The following GLB1L2 variants were observed in gnomAD, a reference collection of about 807,000 sequenced individuals.
GLB1L2 encodes galactosidase beta 1 like 2.
In GLB1L2, 68 loss-of-function variants were observed where a neutral mutation model predicts 84.1. That is an observed-to-expected ratio of 0.81 (90% confidence interval 0.67 to 0.99). The LOEUF (loss-of-function observed/expected upper bound fraction) is 0.99, where lower values mean the gene tolerates loss of function less well. GLB1L2 is among the 50% of genes least tolerant of loss of function. GLB1L2 has a pLI of 0.00. For missense variants in GLB1L2, 762 were observed against 805.6 expected (o/e 0.95, Z 0.66); for synonymous variants, 290 against 318.0 (o/e 0.91, Z 0.94).
rs575259410 is a variant in GLB1L2, at chr11:134,339,300, C to T, written c.87-3454C>T. On this transcript the variant is annotated intron_variant, in intron 1 of 18. Transcript: ENST00000535456. The surrounding 1 kb of genome is among the most constrained non-coding windows in gnomAD (Gnocchi z 5.7). ...CTCAGGAAATTATGGGGTTATTCTC[C>T]GTCTTATGATTATTAGTATTAATGA... is the stretch of plus-strand genomic sequence containing the variant. Among the ~76,000 whole-genome samples, 3 of 152,038 alleles carry T rather than the reference C, an allele frequency of 2.0e-5. No homozygotes were observed. The highest frequency in any genetic ancestry group is 2.1e-4 in the South Asian group (1 of 4,808).
rs1351867271 is a variant in GLB1L2 at position 134,332,163 on chromosome 11, G to A, written c.86+16G>A. ...TGCTCCGCAGGTGAGAGAGAGCTTCGCGCAGCACCTGCCGGACCCCACATT... is the reference window on the plus strand; with the variant it reads ...TGCTCCGCAGGTGAGAGAGAGCTTCACGCAGCACCTGCCGGACCCCACATT... On this transcript the variant is annotated intron_variant, in intron 1 of 18. Transcript: ENST00000535456. 3 of 1,513,906 alleles carry A rather than the reference G, an allele frequency of 2.0e-6. No homozygotes were observed. The highest frequency in any genetic ancestry group is 2.7e-6 in the Non-Finnish European group (3 of 1,120,722). 93.8% of individuals were successfully genotyped at this position (1,513,906 alleles called of 1,614,324 possible).
rs748899807 is a variant in GLB1L2, at chr11:134,344,342, G to A, written c.285-45G>A. The A allele has an allele frequency of 4.4e-6, 7 of 1,607,146 alleles. No homozygotes were observed. In the African/African-American group the frequency reaches 9.4e-5, roughly 21 times the overall value. On this transcript the variant is annotated intron_variant, in intron 2 of 18. Coordinates refer to ENST00000535456, the MANE Select transcript of GLB1L2 (RefSeq NM_001370461.1). ...AGAAGGTAATGTGAGAGGTGAAATG[G>A]AATGAATGACATGCTCTAGCCTATA...
intron 6 of GLB1L2, 27 bp downstream of exon 6, chr11:134,356,420 TA>T: frequency 6.5e-7 from 1 of 1,528,422 alleles, no homozygotes; most frequent in Non-Finnish European, 9.1e-7. Flanking sequence ...TGCGTTTCTT[TA>T]GATTCCTTCC....
At chr11:134,368,857 C>T (rs909136531) in intron 10 of GLB1L2, 76 bp downstream of exon 10, 4 of 1,513,864 alleles carry the variant, frequency 2.6e-6, no homozygotes, top group Middle Eastern at 1.7e-4. Flanking sequence ...GAGAGGCCCT[C>T]AGGGTCAACT....
In GLB1L2 at chr11:134,342,977, A is replaced by ACAG; in HGVS notation, c.284+26_284+27insCAG. On this transcript the variant is annotated intron_variant, in intron 2 of 18. Transcript: ENST00000535456. ...GTAGGTGCTGCCCCTGTCCCCCCGG[A>ACAG]GCCTGGTTCCTAAGCAGGGCGCCTG... The ACAG allele has an allele frequency of 2.5e-6, 4 of 1,586,946 alleles. No homozygotes were observed. The South Asian group carries it at 4.5e-5, about 18-fold the overall frequency.
chr11:134,360,983 C>G (rs1437255776), intron 7 of GLB1L2: 2 of 152,260 alleles, frequency 1.3e-5, no homozygotes, highest in East Asian at 3.9e-4. Flanking sequence ...GAAACCCTGT[C>G]TCTACTGAAA....
chr11:134,342,194 C>T (rs1234685199), intron 1 of GLB1L2, among the ~76,000 whole-genome samples: 2 of 151,990 alleles, frequency 1.3e-5, no homozygotes, highest in African/African-American at 4.8e-5. Context: ...GAGCCTTCGA[C>T]GGCCTTCCCG....
At chr11:134,356,018 T>C (rs1242723092) in intron 5 of GLB1L2, 3 of 572,878 alleles carry the variant, frequency 5.2e-6, no homozygotes, top group South Asian at 1.5e-5. Flanking sequence ...CCATTTTGCA[T>C]ATGACTTTTT....
chr11:134,340,696 A>G (rs908002946), intron 1 of GLB1L2, among the ~76,000 whole-genome samples: 5 of 152,240 alleles, frequency 3.3e-5, no homozygotes, highest in Non-Finnish European at 7.3e-5. Context: ...GGCAGATCGC[A>G]CATATTTTCA....
rs2136249967 is a variant in GLB1L2 at position 134,332,015 on chromosome 11, T to G, written c.-47T>G. On this transcript the variant is annotated 5_prime_UTR_variant, in exon 1 of 19. Coordinates refer to ENST00000535456, the MANE Select transcript of GLB1L2 (RefSeq NM_001370461.1). ...GGCGAGGCTCCCGCGCGCGGCTGAG[T>G]GCGGACTGGAGTGGGAACCCGGGTC... The G allele has an allele frequency of 7.3e-7, 1 of 1,369,230 alleles. No individual in the cohort carries two copies. Among genetic ancestry groups the G allele is most frequent in the Non-Finnish European group, 1.0e-6 (1 of 1,000,218 alleles). 84.8% of individuals were successfully genotyped at this position (1,369,230 alleles called of 1,614,324 possible).
At chr11:134,348,439 G>A (rs747911031) in intron 5 of GLB1L2, among the ~76,000 whole-genome samples, 24 of 152,206 alleles carry the variant, frequency 1.6e-4, no homozygotes, top group Non-Finnish European at 3.1e-4. Flanking sequence ...TGTAGGAGTC[G>A]GGTGGGCAGC....
intron 7 of GLB1L2, among the ~76,000 whole-genome samples, chr11:134,362,398 G>A (rs904915074): frequency 6.6e-6 from 1 of 152,158 alleles, no homozygotes; most frequent in Admixed American, 6.5e-5. Context: ...TCTCCTGCGC[G>A]AGGGGATGCT....
intron 5 of GLB1L2, among the ~76,000 whole-genome samples, chr11:134,355,798 G>A (rs7940114): frequency 0.38 from 57,340 of 152,132 alleles, 12,812 homozygotes; most frequent in Admixed American, 0.5. Flanking sequence ...TGAGCTCCAT[G>A]TCAGACAAGA....
chr11:134,341,779 C>T (rs1044014888), intron 1 of GLB1L2, among the ~76,000 whole-genome samples: 2 of 152,204 alleles, frequency 1.3e-5, no homozygotes, highest in African/African-American at 2.4e-5. Flanking sequence ...GCACCCTGCC[C>T]CCTCCCCGTC....
At position 134,342,979 on chromosome 11, in the gene GLB1L2, C is replaced by T. The variant is rs1421497313; in HGVS notation, c.284+28C>T. The T allele has an allele frequency of 5.0e-6, 8 of 1,587,734 alleles. No individual in the cohort carries two copies. In the South Asian group the frequency reaches 8.0e-5, roughly 16 times the overall value. ...AGGTGCTGCCCCTGTCCCCCCGGAG[C>T]CTGGTTCCTAAGCAGGGCGCCTGGT... On this transcript the variant is annotated intron_variant, in intron 2 of 18. Transcript: ENST00000535456.
Position 134,375,394 on chromosome 11 carries a change from C to T in GLB1L2, c.*336C>T, listed in dbSNP as rs900604597. ...TGCTGAAACGTGCCCTTGCACTGGA[C>T]GTCACAGCCCTGCGAGCATCTGCTG... On this transcript the variant is annotated 3_prime_UTR_variant, in exon 19 of 19. Coordinates refer to ENST00000535456, the MANE Select transcript of GLB1L2 (RefSeq NM_001370461.1). 6 of 257,998 alleles carry T rather than the reference C, an allele frequency of 2.3e-5. No individual in the cohort carries two copies. Among genetic ancestry groups the T allele is most frequent in the East Asian group, 1.0e-4 (1 of 9,572 alleles). The allele number at this position is 257,998 out of a possible 1,614,324, so 16.0% of individuals were successfully genotyped here.
chr11:134,336,787 G>A (rs774638993), intron 1 of GLB1L2, among the ~76,000 whole-genome samples: 11 of 152,118 alleles, frequency 7.2e-5, no homozygotes, highest in African/African-American at 1.2e-4. Flanking sequence ...ATGTTTTTCC[G>A]TATTTGTGAT....
chr11:134,349,819 C>T (rs1263374737), intron 5 of GLB1L2, among the ~76,000 whole-genome samples: 1 of 152,164 alleles, frequency 6.6e-6, no homozygotes, highest in East Asian at 1.9e-4. Context: ...TTTTTACTTT[C>T]TGGAGATCAA....
chr11:134,347,227 G>A, intron 4 of GLB1L2, 98 bp from the exon 5 acceptor site: 2 of 870,718 alleles, frequency 2.3e-6, no homozygotes, highest in Non-Finnish European at 3.9e-6. Context: ...TCATTCTGGA[G>A]CACTGGGGGG....
Sources: gnomAD v4.1 joint callset for allele counts (sites outside exome capture counted in the v4.1 genomes callset) on GRCh38, gnomAD v4.1.1 for gene constraint, Gnocchi (gnomAD v3.1) non-coding constraint, MANE v1.5 for transcripts, NCBI Gene and HGNC (gene_info 2026-07-23, HGNC 2026-07-21) for gene names.